Variants in RECQL5 observed in about 807,000 individuals in gnomAD.
RECQL5 encodes the protein RecQ like helicase 5.
In RECQL5, 88 loss-of-function variants were observed where a neutral mutation model predicts 103.4. The observed-to-expected ratio is 0.85, with a 90% CI of 0.72 to 1.02. The LOEUF (loss-of-function observed/expected upper bound fraction) is 1.02, where lower values mean the gene tolerates loss of function less well. RECQL5 is among the 50% of genes least tolerant of loss of function. RECQL5 has a pLI of 0.00. For missense variants in RECQL5, 1,232 were observed against 1,284.3 expected, an observed-to-expected ratio of 0.96 and a Z score of 0.62; for synonymous variants, 552 against 507.9, an observed-to-expected ratio of 1.09 and a Z score of -1.17.
Position 75,649,577 on chromosome 17 carries a change from C to T in RECQL5, c.1229+1609G>A, listed in dbSNP as rs1389992730. On this transcript the variant is annotated intron_variant, in intron 8 of 19. Coordinates refer to ENST00000317905, the MANE Select transcript of RECQL5 (RefSeq NM_004259.7). ...GCCCCAAGGGATCGCTGGTGGGAGG[C>T]TGCTTCGACCTCAGCCTCCAATGAG... 8.2e-6 allele frequency: 8 copies of T among 973,162 alleles called. No homozygotes were observed. In the African/African-American group the frequency reaches 1.4e-4, roughly 17 times the overall value. The allele number at this position is 973,162 out of a possible 1,614,324, so 60.3% of individuals were successfully genotyped here.
At position 75,666,932 on chromosome 17, in the gene RECQL5, G is replaced by A. The variant is rs74860876; in HGVS notation, c.-15+112C>T. ...CTACTTCTATAAGCGCAACCACGAC[G>A]ACCGTTCTTCCACCCCGGGACCCCG... On this transcript the variant is annotated intron_variant, in intron 1 of 19. Transcript: ENST00000317905. 6.4e-3 allele frequency: 1,672 copies of A among 261,374 alleles called. 6 individuals are homozygous for A. Among genetic ancestry groups the A allele is most frequent in the Non-Finnish European group, 8.3e-3 (1,126 of 135,124 alleles). 16.2% of individuals were successfully genotyped at this position (261,374 alleles called of 1,614,324 possible).
At chr17:75,650,000 C>G in intron 8 of RECQL5, 7 of 985,608 alleles carry the variant, frequency 7.1e-6, no homozygotes, top group Non-Finnish European at 8.4e-6. Flanking sequence ...AGAGTTAACC[C>G]TCCAGAGAGC....
chr17:75,640,249 G>GCTGCTGCTCAAGCTGCAGAGA lies in RECQL5; in HGVS notation c.1230-8602_1230-8582dup. 3 of 1,551,454 alleles carry GCTGCTGCTCAAGCTGCAGAGA rather than the reference G, an allele frequency of 1.9e-6. No individual in the cohort carries two copies. The highest frequency in any genetic ancestry group is 1.7e-6 in the Non-Finnish European group (2 of 1,146,908). On this transcript the variant is annotated intron_variant, in intron 8 of 19. Coordinates refer to ENST00000317905, the MANE Select transcript of RECQL5 (RefSeq NM_004259.7). The surrounding 1 kb of genome is among the most constrained non-coding windows in gnomAD (Gnocchi z 4.6). ...AGGAGATGCGCGCCGTGGGCGAGAG[G>GCTGCTGCTCAAGCTGCAGAGA]CTGCTGCTCAAGCTGCAGAGACTGC... is the stretch of plus-strand genomic sequence containing the variant.
chr17:75,630,885 G>T, intron 11 of RECQL5, 48 bp from the exon 12 acceptor site: 1 of 1,541,826 alleles, frequency 6.5e-7, no homozygotes, highest in Non-Finnish European at 8.8e-7. Flanking sequence ...CACCTTCTGC[G>T]CTCTGAGGTC....
In RECQL5 at chr17:75,658,291, G is replaced by C; in HGVS notation, c.1149+7C>G. On this transcript the variant is annotated splice_region_variant and intron_variant, in intron 7 of 19. Coordinates refer to ENST00000317905, the MANE Select transcript of RECQL5 (RefSeq NM_004259.7). ...GACTGAAAGACCTTCTACTGCCCAA[G>C]CCTTACCTGGAGTTTTGCTACTTCC... The C allele has an allele frequency of 6.2e-7, 1 of 1,612,738 alleles. No individual in the cohort carries two copies. The highest frequency in any genetic ancestry group is 8.5e-7 in the Non-Finnish European group (1 of 1,179,218).
intron 8 of RECQL5, chr17:75,649,502 A>T: frequency 2.6e-6 from 1 of 380,388 alleles, no homozygotes; most frequent in Non-Finnish European, 3.6e-6. Context: ...AAATGCACCC[A>T]CTTCTGCTGA....
rs375818250 is a variant in RECQL5 at position 75,630,616 on chromosome 17, C to A, written c.1718+3G>T. On this transcript the variant is annotated splice_donor_region_variant and intron_variant, in intron 13 of 19. Transcript: ENST00000317905. The stretch of plus-strand genomic sequence containing the variant: ...TCCTCAGCCCAGTGATCGTGGAACT[C>A]ACTCATCAGCGGTACGTGTTGACTG... 6.2e-7 allele frequency: 1 copy of A among 1,613,558 alleles called. No individual in the cohort carries two copies.
intron 2 of RECQL5, among the ~76,000 whole-genome samples, chr17:75,665,443 G>A (rs1354095700): frequency 6.6e-6 from 1 of 152,162 alleles, no homozygotes; most frequent in East Asian, 1.9e-4. Context: ...TGTAATCCCA[G>A]CACTTTGGGA....
rs536207105 is a variant in RECQL5, at chr17:75,629,085, A to C, written c.2338T>G (p.Ser780Ala). The C allele has an allele frequency of 5.6e-5, 91 of 1,613,302 alleles. No individual in the cohort carries two copies. In the African/African-American group the frequency reaches 1.1e-3, roughly 19 times the overall value. ...CAGGCACCTTCTGCCTCTGGGGCTG[A>C]TGCCAGCAGAGCTGGGCTTTCCACC... is the stretch of plus-strand genomic sequence containing the variant. ...RRVESPALLA[S>A]APEAEGACPS... The change falls in exon 16 of 20, where the codon TCA (serine) becomes GCA (alanine). Residue 780 changes from serine to alanine, a missense_variant. Coordinates refer to ENST00000317905, the MANE Select transcript of RECQL5 (RefSeq NM_004259.7).
chr17:75,639,059 G>T (rs1391464705), intron 8 of RECQL5: 1 of 152,474 alleles, frequency 6.6e-6, no homozygotes, highest in African/African-American at 2.4e-5. Context: ...ATGGCCTCAA[G>T]GATGGCCGCA....
Position 75,631,680 on chromosome 17 carries a change from A to C in RECQL5, c.1230-12T>G. The C allele has an allele frequency of 1.2e-6, 2 of 1,609,132 alleles. No individual in the cohort carries two copies. Among genetic ancestry groups the C allele is most frequent in the Non-Finnish European group, 1.7e-6 (2 of 1,178,854 alleles). Reference sequence around the variant, plus strand: ...CGGCATGGCGGCACCTGGAGCAGGCAGCACCGCAGAGGTGAGGGGCGGAGA... The same window carrying C: ...CGGCATGGCGGCACCTGGAGCAGGCCGCACCGCAGAGGTGAGGGGCGGAGA... On this transcript the variant is annotated splice_polypyrimidine_tract_variant and intron_variant, in intron 8 of 19. Transcript: ENST00000317905.
At chr17:75,657,471 G>A (rs1196056026) in intron 7 of RECQL5, among the ~76,000 whole-genome samples, 4 of 151,844 alleles carry the variant, frequency 2.6e-5, no homozygotes, top group South Asian at 2.1e-4. Context: ...TATTAAGGCC[G>A]GGAGCAGTAG....
intron 8 of RECQL5, chr17:75,639,867 ACCT>A (rs2059400495): frequency 4.3e-6 from 1 of 232,586 alleles, no homozygotes; most frequent in African/African-American, 2.3e-5. Flanking sequence ...CAGTAGTGGT[ACCT>A]CAAGACAAGG....
In RECQL5 at chr17:75,662,853, C is replaced by T. The variant is rs1481759737; in HGVS notation, c.397G>A (p.Ala133Thr). 3 of 1,614,100 alleles carry T rather than the reference C, an allele frequency of 1.9e-6. No individual in the cohort carries two copies. Among genetic ancestry groups the T allele is most frequent in the Non-Finnish European group, 2.5e-6 (3 of 1,180,024 alleles). The change falls in exon 4 of 20, where the codon GCA becomes ACA. Residue 133 changes from alanine to threonine, a missense_variant. Physicochemically the swap from Ala to Thr is moderately conservative, Grantham distance 58. Transcript: ENST00000317905. ...GTGGGCTGGAAGGAGGATGAAGCTG[C>T]CATCTCTGGGGTGATGTACAGAATC... ...TKILYITPEM[A>T]ASSSFQPTLN...
intron 8 of RECQL5, among the ~76,000 whole-genome samples, chr17:75,633,054 C>CT (rs2059249279): frequency 6.6e-6 from 1 of 152,262 alleles, no homozygotes; most frequent in African/African-American, 2.4e-5. Context: ...GAATGCAGCT[C>CT]TGAAGCCTGA....
At chr17:75,654,844 G>A (rs1253871416) in intron 7 of RECQL5, among the ~76,000 whole-genome samples, 2 of 152,120 alleles carry the variant, frequency 1.3e-5, no homozygotes, top group Non-Finnish European at 2.9e-5. Flanking sequence ...CCAGGTTGGA[G>A]TGCAATGGTA....
At chr17:75,653,468 T>C (rs922614665) in intron 7 of RECQL5, among the ~76,000 whole-genome samples, 6 of 152,362 alleles carry the variant, frequency 3.9e-5, no homozygotes, top group African/African-American at 1.4e-4. Flanking sequence ...AGCCTGTCTA[T>C]GGACTTGTGG....
chr17:75,628,885 ATGC>A (rs764163103), intron 16 of RECQL5, 46 bp downstream of exon 16: 2 of 1,584,104 alleles, frequency 1.3e-6, no homozygotes, highest in Non-Finnish European at 1.7e-6. Flanking sequence ...AGCAAAGGGG[ATGC>A]TGCCGTGTAG....
rs1253512698 is a variant in RECQL5, at chr17:75,631,650, AATGGCGGC to A, written c.1240_1247del (p.Ala414CysfsTer51). The A allele has an allele frequency of 6.2e-7, 1 of 1,611,238 alleles. No individual in the cohort carries two copies. The highest frequency in any genetic ancestry group is 1.3e-5 in the African/African-American group (1 of 74,882). On this transcript the variant is annotated frameshift_variant, in exon 9 of 20. Coordinates refer to ENST00000317905, the MANE Select transcript of RECQL5 (RefSeq NM_004259.7). LOFTEE classifies it high-confidence loss of function. ...GCAGCGCATCCCCGAAGTACTTGGCAATGGCGGCATGGCGGCACCTGGAGCAGGCAGCA... is the reference window on the plus strand; with the variant it reads ...GCAGCGCATCCCCGAAGTACTTGGCAATGGCGGCACCTGGAGCAGGCAGCA...
Sources: allele counts gnomAD v4.1 joint callset (sites outside exome capture counted in the v4.1 genomes callset), GRCh38; gene constraint gnomAD v4.1.1; non-coding constraint Gnocchi (gnomAD v3.1); transcripts MANE v1.5; gene names NCBI Gene and HGNC (gene_info 2026-07-23, HGNC 2026-07-21).